The following MYOD1 variants were observed in gnomAD, a reference collection of about 807,000 sequenced individuals.
MYOD1 encodes the protein myogenic differentiation 1.
Under a neutral mutation model 14.9 loss-of-function variants are expected in MYOD1, and 15 were observed. The ratio of observed to expected loss-of-function variants is 1.01; its 90% confidence interval spans 0.67 to 1.55. MYOD1 has a LOEUF of 1.55. MYOD1 is among the 40% of genes most tolerant of loss of function. The probability of loss-of-function intolerance (pLI) is 0.00; values close to 1 mark genes in which losing one functional copy is unlikely to be tolerated. For synonymous variants in MYOD1, 235 were observed against 218.6 expected, an observed-to-expected ratio of 1.07 and a Z score of -0.66; for missense variants, 529 against 482.6, an observed-to-expected ratio of 1.10 and a Z score of -0.90.
chr11:17,721,619 C>T lies in MYOD1; in HGVS notation c.*111C>T, dbSNP rs1463137259. The T allele has an allele frequency of 3.1e-6, 4 of 1,310,636 alleles. No homozygotes were observed. The African/African-American group carries it at 6.1e-5, about 20-fold the overall frequency. The allele number at this position is 1,310,636 out of a possible 1,614,324, so 81.2% of individuals were successfully genotyped here. A position where few individuals can be genotyped will look rare whatever the true frequency, so the allele number is the denominator to read the frequency against. ...CAACAGCGCTTTAAAAGCGACCTCTCTTGAGGTAGGAGAGGCGGGAGAACT... is the reference window on the plus strand; with the variant it reads ...CAACAGCGCTTTAAAAGCGACCTCTTTTGAGGTAGGAGAGGCGGGAGAACT... On this transcript the variant is annotated 3_prime_UTR_variant, in exon 3 of 3. Transcript: ENST00000250003. The surrounding 1 kb of genome is among the most constrained non-coding windows in gnomAD (Gnocchi z 6.2).
At chr11:17,720,479 G>A in intron 1 of MYOD1, 67 bp downstream of exon 1, 10 of 1,464,270 alleles carry the variant, frequency 6.8e-6, no homozygotes, top group Non-Finnish European at 8.0e-6. Flanking sequence ...ACGCGTTTCC[G>A]AGGGCGGGGA....
In MYOD1 at chr11:17,721,694, C is replaced by T. The variant is rs985566322; in HGVS notation, c.*186C>T. On this transcript the variant is annotated 3_prime_UTR_variant, in exon 3 of 3. Coordinates refer to ENST00000250003, the MANE Select transcript of MYOD1 (RefSeq NM_002478.5). The surrounding 1 kb of genome is among the most constrained non-coding windows in gnomAD (Gnocchi z 6.2). ...GGCAAGGACACAGCGCGGTTTTTTC[C>T]ACGCAGCACCCTTCTCGGAGACCCA... 1 of 599,130 alleles carries T rather than the reference C, an allele frequency of 1.7e-6. No homozygotes were observed. Among genetic ancestry groups the T allele is most frequent in the African/African-American group, 1.9e-5 (1 of 51,284 alleles). 37.1% of individuals were successfully genotyped at this position (599,130 alleles called of 1,614,324 possible).
In MYOD1 at chr11:17,719,601, C is replaced by G; in HGVS notation, c.-182C>G. On this transcript the variant is annotated 5_prime_UTR_variant, in exon 1 of 3. Coordinates refer to ENST00000250003, the MANE Select transcript of MYOD1 (RefSeq NM_002478.5). ...TGAGGAAGCCCTGGGGCGCTGCCGCCGCTTTCCTTAACCACAAATCAGGCC... is the reference window on the plus strand; with the variant it reads ...TGAGGAAGCCCTGGGGCGCTGCCGCGGCTTTCCTTAACCACAAATCAGGCC... 1 of 785,652 alleles carries G rather than the reference C, an allele frequency of 1.3e-6. No homozygotes were observed. The highest frequency in any genetic ancestry group is 1.9e-5 in the South Asian group (1 of 51,410). 48.7% of individuals were successfully genotyped at this position (785,652 alleles called of 1,614,324 possible). A position where few individuals can be genotyped will look rare whatever the true frequency, so the allele number is the denominator to read the frequency against.
Position 17,720,947 on chromosome 11 carries a change from TACGAAGGCGCCTACTACA to T in MYOD1, c.681_698del (p.Gly228_Glu233del). 1 of 1,608,362 alleles carries T rather than the reference TACGAAGGCGCCTACTACA, an allele frequency of 6.2e-7. No individual in the cohort carries two copies. Among genetic ancestry groups the T allele is most frequent in the Non-Finnish European group, 8.5e-7 (1 of 1,178,330 alleles). On this transcript the variant is annotated inframe_deletion, in exon 2 of 3. Transcript: ENST00000250003. ...GAGCGGCGCCCGGCGGCGGAACTGC[TACGAAGGCGCCTACTACA>T]ACGAGGCGCCCAGCGGTGGGTATTC...
chr11:17,721,496 C>A lies in MYOD1; in HGVS notation c.951C>A (p.Tyr317Ter), dbSNP rs369250175. The A allele has an allele frequency of 6.4e-7, 1 of 1,556,416 alleles. No homozygotes were observed. The change falls in exon 3 of 3, where the codon TAC (tyrosine) becomes TAA (stop). Residue 317 changes from tyrosine to a stop codon, truncating the protein, a stop_gained. Transcript: ENST00000250003. LOFTEE classifies it high-confidence loss of function. This position sits in a 1 kb window ranked among gnomAD's most constrained non-coding sequence, Gnocchi z 6.2. ...CGGGTGCGAACCCCAACCCGATATA[C>A]CAGGTGCTCTGAGGGGATGGTGGCC... ...CPAGANPNPIYQVL is the reference protein window; with the variant it reads ...CPAGANPNPI
Position 17,721,734 on chromosome 11 carries a change from C to T in MYOD1, c.*226C>T. The T allele has an allele frequency of 2.0e-6, 1 of 501,060 alleles. No individual in the cohort carries two copies. Among genetic ancestry groups the T allele is most frequent in the Non-Finnish European group, 3.4e-6 (1 of 293,896 alleles). 31.0% of individuals were successfully genotyped at this position (501,060 alleles called of 1,614,324 possible). ...TCGGAGACCCATTGCGATGGCCGCT[C>T]CGTGTTCCTCGGTGGGCCAGAGCTG... is the stretch of plus-strand genomic sequence containing the variant. On this transcript the variant is annotated 3_prime_UTR_variant, in exon 3 of 3. Transcript: ENST00000250003. The surrounding 1 kb of genome is among the most constrained non-coding windows in gnomAD (Gnocchi z 6.2).
rs1430002268 is a variant in MYOD1, at chr11:17,722,129, A to C, written c.*621A>C. ...GTGATCAAAATAAAGGCGCTAATTT[A>C]TACCGCCGTGGCTCCGGCTTTCCCT... On this transcript the variant is annotated 3_prime_UTR_variant, in exon 3 of 3. Transcript: ENST00000250003. The C allele has an allele frequency of 5.5e-6, 1 of 181,084 alleles. No individual in the cohort carries two copies. The highest frequency in any genetic ancestry group is 1.2e-5 in the Non-Finnish European group (1 of 84,856). 11.2% of individuals were successfully genotyped at this position (181,084 alleles called of 1,614,324 possible). A position where few individuals can be genotyped will look rare whatever the true frequency, so the allele number is the denominator to read the frequency against.
At position 17,719,979 on chromosome 11, in the gene MYOD1, C is replaced by T. The variant is rs1848619909; in HGVS notation, c.197C>T (p.Pro66Leu). 1.2e-6 allele frequency: 2 copies of T among 1,611,594 alleles called. No individual in the cohort carries two copies. Among genetic ancestry groups the T allele is most frequent in the Non-Finnish European group, 1.7e-6 (2 of 1,179,240 alleles). Residue 66 changes from proline (P) to leucine (L), a missense_variant, in exon 1 of 3, where the codon CCC (proline) becomes CTC (leucine). Coordinates refer to ENST00000250003, the MANE Select transcript of MYOD1 (RefSeq NM_002478.5). ...LLKPEEHSHF[P>L]AAVHPAPGAR... is the part of the protein sequence containing the mutation. ...AAACCCGAAGAGCACTCGCACTTCC[C>T]CGCGGCGGTGCACCCGGCCCCGGGC...
intron 1 of MYOD1, 88 bp downstream of exon 1, chr11:17,720,500 C>A: frequency 2.8e-6 from 4 of 1,429,448 alleles, no homozygotes; most frequent in Non-Finnish European, 1.8e-6. Context: ...GCTGGCCTTG[C>A]GGGAGGTTTG....
Position 17,721,619 on chromosome 11 carries a change from CTT to C in MYOD1, c.*112_*113del. On this transcript the variant is annotated 3_prime_UTR_variant, in exon 3 of 3. Transcript: ENST00000250003. The surrounding 1 kb of genome is among the most constrained non-coding windows in gnomAD (Gnocchi z 6.2). ...CAACAGCGCTTTAAAAGCGACCTCT[CTT>C]GAGGTAGGAGAGGCGGGAGAACTGA... is the stretch of plus-strand genomic sequence containing the variant. The C allele has an allele frequency of 7.6e-7, 1 of 1,310,754 alleles. No homozygotes were observed. The highest frequency in any genetic ancestry group is 1.0e-6 in the Non-Finnish European group (1 of 996,580). 81.2% of individuals were successfully genotyped at this position (1,310,754 alleles called of 1,614,324 possible).
In MYOD1 at chr11:17,719,982, C is replaced by G. The variant is rs781111019; in HGVS notation, c.200C>G (p.Ala67Gly). 4.3e-6 allele frequency: 7 copies of G among 1,611,150 alleles called. No homozygotes were observed. The South Asian group carries it at 5.5e-5, about 13-fold the overall frequency. Residue 67 changes from alanine to glycine, a missense_variant, in exon 1 of 3, where the codon GCG (alanine) becomes GGG (glycine). Coordinates refer to ENST00000250003, the MANE Select transcript of MYOD1 (RefSeq NM_002478.5). Reference protein sequence around the residue: ...LKPEEHSHFPAAVHPAPGARE... With the variant: ...LKPEEHSHFPGAVHPAPGARE... Reference sequence around the variant, plus strand: ...CCCGAAGAGCACTCGCACTTCCCCGCGGCGGTGCACCCGGCCCCGGGCGCA... The same window carrying G: ...CCCGAAGAGCACTCGCACTTCCCCGGGGCGGTGCACCCGGCCCCGGGCGCA...
chr11:17,720,004 C>G lies in MYOD1; in HGVS notation c.222C>G (p.Gly74=), dbSNP rs767912119. 1 of 1,603,258 alleles carries G rather than the reference C, an allele frequency of 6.2e-7. No individual in the cohort carries two copies. Among genetic ancestry groups the G allele is most frequent in the Non-Finnish European group, 8.5e-7 (1 of 1,175,474 alleles). Residue 74 remains glycine, a synonymous_variant, in exon 1 of 3, where the codon GGC becomes GGG. Coordinates refer to ENST00000250003, the MANE Select transcript of MYOD1 (RefSeq NM_002478.5). Reference sequence around the variant, plus strand: ...CCGCGGCGGTGCACCCGGCCCCGGGCGCACGTGAGGACGAGCATGTGCGCG... The same window carrying G: ...CCGCGGCGGTGCACCCGGCCCCGGGGGCACGTGAGGACGAGCATGTGCGCG... ...HFPAAVHPAP[G]AREDEHVRAP...
chr11:17,720,538 C>T, intron 1 of MYOD1, 126 bp downstream of exon 1: 1 of 1,283,820 alleles, frequency 7.8e-7, no homozygotes, highest in Non-Finnish European at 1.0e-6. Context: ...AGAGAGAGGA[C>T]CCCCTTGTCC....
In MYOD1 at chr11:17,721,052, C is replaced by T. The variant is rs1848632787; in HGVS notation, c.709+72C>T. On this transcript the variant is annotated intron_variant, in intron 2 of 2. Transcript: ENST00000250003. This position sits in a 1 kb window ranked among gnomAD's most constrained non-coding sequence, Gnocchi z 6.2. ...GCTGTCCTGGCCTCTATCTAGGACG[C>T]TCCCACCCCCACTCACACACGCCTA... is the stretch of plus-strand genomic sequence containing the variant. The T allele has an allele frequency of 2.8e-6, 4 of 1,444,450 alleles. No homozygotes were observed. Among genetic ancestry groups the T allele is most frequent in the Non-Finnish European group, 3.7e-6 (4 of 1,086,124 alleles). The allele number at this position is 1,444,450 out of a possible 1,614,324, so 89.5% of individuals were successfully genotyped here.
chr11:17,720,877 A>G lies in MYOD1; in HGVS notation c.631-25A>G, dbSNP rs767037696. 1.9e-6 allele frequency: 3 copies of G among 1,605,416 alleles called. No individual in the cohort carries two copies. In the African/African-American group the frequency reaches 4.0e-5, roughly 22 times the overall value. ...GGCCTCGAGCCGTCCCGCGGGCCTG[A>G]CTCAGTCGCCCTTGCTGTTTGCAGA... is the stretch of plus-strand genomic sequence containing the variant. On this transcript the variant is annotated intron_variant, in intron 1 of 2. Coordinates refer to ENST00000250003, the MANE Select transcript of MYOD1 (RefSeq NM_002478.5).
In MYOD1 at chr11:17,719,818, C is replaced by A. The variant is rs1848617877; in HGVS notation, c.36C>A (p.Asp12Glu). The A allele has an allele frequency of 6.2e-7, 1 of 1,613,374 alleles. No individual in the cohort carries two copies. Among genetic ancestry groups the A allele is most frequent in the Admixed American group, 1.7e-5 (1 of 60,008 alleles). The stretch of plus-strand genomic sequence containing the variant: ...TGTCGCCACCGCTCCGCGACGTAGA[C>A]CTGACGGCCCCCGACGGCTCTCTCT... ...ELLSPPLRDV[D>E]LTAPDGSLCS... is the part of the protein sequence containing the mutation. Residue 12 changes from aspartate (D) to glutamate (E), a missense_variant, in exon 1 of 3, where the codon GAC becomes GAA. By Grantham distance (45) the Asp-to-Glu change is conservative. Coordinates refer to ENST00000250003, the MANE Select transcript of MYOD1 (RefSeq NM_002478.5).
Position 17,719,921 on chromosome 11 carries a change from G to A in MYOD1, c.139G>A (p.Asp47Asn), listed in dbSNP as rs776774268. 1.9e-6 allele frequency: 3 copies of A among 1,613,872 alleles called. No individual in the cohort carries two copies. Among genetic ancestry groups the A allele is most frequent in the East Asian group, 2.2e-5 (1 of 44,846 alleles). The change falls in exon 1 of 3, where the codon GAC (aspartate) becomes AAC (asparagine). Residue 47 changes from aspartate to asparagine, a missense_variant. By Grantham distance (23) the Asp-to-Asn change is conservative (BLOSUM62 1). Transcript: ENST00000250003. ...GGACCTGCGCTTCTTCGAAGACCTG[G>A]ACCCGCGCCTGATGCACGTGGGCGC... ...SPDLRFFEDL[D>N]PRLMHVGALL...
chr11:17,721,524 C>T lies in MYOD1; in HGVS notation c.*16C>T. ...GGTGCTCTGAGGGGATGGTGGCCGC[C>T]CACCCGCCCGAGGGATGGTGCCCCT... On this transcript the variant is annotated 3_prime_UTR_variant, in exon 3 of 3. Coordinates refer to ENST00000250003, the MANE Select transcript of MYOD1 (RefSeq NM_002478.5). The surrounding 1 kb of genome is among the most constrained non-coding windows in gnomAD (Gnocchi z 6.2). 6.7e-7 allele frequency: 1 copy of T among 1,497,608 alleles called. No homozygotes were observed. 92.8% of individuals were successfully genotyped at this position (1,497,608 alleles called of 1,614,324 possible). A position where few individuals can be genotyped will look rare whatever the true frequency, so the allele number is the denominator to read the frequency against.
chr11:17,721,800 C>A lies in MYOD1; in HGVS notation c.*292C>A, dbSNP rs1326615629. On this transcript the variant is annotated 3_prime_UTR_variant, in exon 3 of 3. Transcript: ENST00000250003. This position sits in a 1 kb window ranked among gnomAD's most constrained non-coding sequence, Gnocchi z 6.2. ...GGTTCAGCTTTCTCGCGCCCTCCCCCATGGGGGTGAGACCCTCGCAGACCT... is the reference window on the plus strand; with the variant it reads ...GGTTCAGCTTTCTCGCGCCCTCCCCAATGGGGGTGAGACCCTCGCAGACCT... The A allele has an allele frequency of 2.4e-6, 1 of 409,820 alleles. No homozygotes were observed. The highest frequency in any genetic ancestry group is 4.3e-6 in the Non-Finnish European group (1 of 233,640). 25.4% of individuals were successfully genotyped at this position (409,820 alleles called of 1,614,324 possible).
Sources: allele counts gnomAD v4.1 joint callset, GRCh38; gene constraint gnomAD v4.1.1; non-coding constraint Gnocchi (gnomAD v3.1); transcripts MANE v1.5; gene names NCBI Gene and HGNC (gene_info 2026-07-23, HGNC 2026-07-21).